LRRC4C: variants seen among roughly 807,000 people sequenced by gnomAD.
LRRC4C encodes the protein leucine-rich repeat-containing protein 4C.
LRRC4C carries 5 observed loss-of-function variants against 33.6 expected under a neutral mutation model. That is an observed-to-expected ratio of 0.15 (90% CI 0.08 to 0.31). The LOEUF (loss-of-function observed/expected upper bound fraction) is 0.31. LRRC4C is among the 10% of genes least tolerant of loss of function. The pLI, the probability that LRRC4C is intolerant of heterozygous loss-of-function variation, is 1.00. For synonymous variants in LRRC4C, 329 were observed against 302.0 expected (o/e 1.09, Z -0.93); for missense variants, 560 against 796.7 (o/e 0.70, Z 3.58).
At chr11:40,313,773 A>ATT (rs71060951) in intron 4 of LRRC4C, among the ~76,000 whole-genome samples, 53 of 148,538 alleles carry the variant, frequency 3.6e-4, no homozygotes, top group African/African-American at 4.5e-4. Context: ...ATGCCTGGCT[A>ATT]TTTTTTTTTA....
chr11:41,102,868 T>C (rs776671938), intron 1 of LRRC4C, among the ~76,000 whole-genome samples: 1 of 152,006 alleles, frequency 6.6e-6, no homozygotes, highest in Non-Finnish European at 1.5e-5. Context: ...GCTTGATGTG[T>C]AAAGCTTGAA....
intron 1 of LRRC4C, among the ~76,000 whole-genome samples, chr11:41,215,014 G>GTGTATATATATATATATA (rs1438617121): frequency 7.6e-6 from 1 of 131,076 alleles, no homozygotes; most frequent in African/African-American, 2.9e-5. Flanking sequence ...TTTTATTCAT[G>GTGTATATATATATATATA]TATATATATA....
chr11:41,162,919 C>T (rs1217429408), intron 1 of LRRC4C, among the ~76,000 whole-genome samples: 1 of 152,154 alleles, frequency 6.6e-6, no homozygotes, highest in Admixed American at 6.5e-5. Flanking sequence ...TGGTTTGGCA[C>T]TGTTTCCCCA....
At chr11:41,250,238 A>G (rs1314771786) in intron 1 of LRRC4C, among the ~76,000 whole-genome samples, 1 of 152,206 alleles carries the variant, frequency 6.6e-6, no homozygotes, top group East Asian at 1.9e-4. Context: ...AAGTTCCAGA[A>G]TTACCTAAAT....
At chr11:40,359,079 AG>A (rs1947823474) in intron 3 of LRRC4C, among the ~76,000 whole-genome samples, 2 of 152,164 alleles carry the variant, frequency 1.3e-5, no homozygotes, top group African/African-American at 2.4e-5. Flanking sequence ...GGGAAAAAAA[AG>A]GAAAGCTGGT....
At chr11:40,640,867 T>A (rs1449951338) in intron 3 of LRRC4C, among the ~76,000 whole-genome samples, 2 of 151,758 alleles carry the variant, frequency 1.3e-5, no homozygotes, top group Non-Finnish European at 2.9e-5. Context: ...ATACAAAAAA[T>A]CAGCCGGGCG....
Position 40,115,547 on chromosome 11 carries a change from C to A in LRRC4C, c.746G>T (p.Trp249Leu). The A allele has an allele frequency of 6.2e-7, 1 of 1,614,154 alleles. No homozygotes were observed. The highest frequency in any genetic ancestry group is 8.5e-7 in the Non-Finnish European group (1 of 1,180,022). Residue 249 changes from tryptophan to leucine, a missense_variant, in exon 7 of 7, where the codon TGG becomes TTG. Coordinates refer to ENST00000528697, the MANE Select transcript of LRRC4C (RefSeq NM_001258419.2). This position sits in a 1 kb window ranked among gnomAD's most constrained non-coding sequence, Gnocchi z 6.7. ...FQGLMHLQKLWMIQSQIQVIE... is the reference protein window; with the variant it reads ...FQGLMHLQKLLMIQSQIQVIE... ...CACTTGAATCTGGGACTGTATCATC[C>A]ACAGTTTTTGAAGGTGCATCAAACC...
chr11:41,117,153 A>G (rs1590646112), intron 1 of LRRC4C, among the ~76,000 whole-genome samples: 1 of 152,026 alleles, frequency 6.6e-6, no homozygotes, highest in East Asian at 1.9e-4. Context: ...CAACTCCCCA[A>G]AGCAAAGTCA....
chr11:40,136,391 C>T (rs1856977216), intron 6 of LRRC4C, among the ~76,000 whole-genome samples: 1 of 151,676 alleles, frequency 6.6e-6, no homozygotes, highest in African/African-American at 2.4e-5. Flanking sequence ...CTCAGCCTCC[C>T]GAGTAGCTGG....
At chr11:40,654,618 C>A (rs1275522410) in intron 2 of LRRC4C, among the ~76,000 whole-genome samples, 2 of 152,142 alleles carry the variant, frequency 1.3e-5, no homozygotes, top group Admixed American at 1.3e-4. Context: ...GGATCATAGG[C>A]AGAAGGGACT....
chr11:41,282,605 A>G (rs2136943855), intron 1 of LRRC4C, among the ~76,000 whole-genome samples: 1 of 152,204 alleles, frequency 6.6e-6, no homozygotes, highest in Non-Finnish European at 1.5e-5. Context: ...TAACTTTGGG[A>G]TGTCTGCCCG....
chr11:41,366,234 ATAGATAGATAGG>A (rs765216441), intron 1 of LRRC4C, among the ~76,000 whole-genome samples: 9 of 111,326 alleles, frequency 8.1e-5, no homozygotes, highest in African/African-American at 2.0e-4. Flanking sequence ...AGATAGATAG[ATAGATAGATAGG>A]TAGATATCCT....
intron 2 of LRRC4C, among the ~76,000 whole-genome samples, chr11:40,783,421 G>A (rs113459892): frequency 0.05 from 7,619 of 151,876 alleles, 228 homozygotes; most frequent in South Asian, 0.096. Context: ...TCAGCATCCC[G>A]AGTAGCTGGG....
At chr11:41,295,105 T>G (rs1209499356) in intron 1 of LRRC4C, among the ~76,000 whole-genome samples, 2 of 152,146 alleles carry the variant, frequency 1.3e-5, no homozygotes, top group South Asian at 2.1e-4. Flanking sequence ...GAGAAACTAA[T>G]TCAAAGAGGG....
chr11:40,682,416 T>G (rs1565631088), intron 2 of LRRC4C, among the ~76,000 whole-genome samples: 1 of 152,178 alleles, frequency 6.6e-6, no homozygotes, highest in Non-Finnish European at 1.5e-5. Flanking sequence ...TCTTACTGGG[T>G]GCCTCATACC....
chr11:41,131,674 G>A (rs554694329), intron 1 of LRRC4C, among the ~76,000 whole-genome samples: 15 of 152,202 alleles, frequency 9.9e-5, no homozygotes, highest in African/African-American at 3.6e-4. Context: ...GTCAAGGGAT[G>A]AGATAGAAGG....
At chr11:40,347,460 C>T (rs538286016) in intron 3 of LRRC4C, among the ~76,000 whole-genome samples, 13 of 152,136 alleles carry the variant, frequency 8.5e-5, no homozygotes, top group Non-Finnish European at 1.0e-4. Flanking sequence ...GCTGAAGTCT[C>T]ACTTTTAATT....
At chr11:40,512,598 C>A (rs1530170) in intron 3 of LRRC4C, among the ~76,000 whole-genome samples, 51,448 of 151,858 alleles carry the variant, frequency 0.34, 10,516 homozygotes, top group East Asian at 0.66. Context: ...AGAGCTGGGC[C>A]TCATTCCTTA....
intron 1 of LRRC4C, among the ~76,000 whole-genome samples, chr11:41,143,608 A>G (rs573184974): frequency 6.6e-6 from 1 of 152,278 alleles, no homozygotes; most frequent in African/African-American, 2.4e-5. Flanking sequence ...CTCATCCAAA[A>G]GGAAACTCCA....
Sources: allele counts gnomAD v4.1 joint callset (sites outside exome capture counted in the v4.1 genomes callset), GRCh38; gene constraint gnomAD v4.1.1; non-coding constraint Gnocchi (gnomAD v3.1); transcripts MANE v1.5; gene names NCBI Gene and HGNC (gene_info 2026-07-23, HGNC 2026-07-21).